The following TBC1D22A variants were observed in gnomAD, a reference collection of about 807,000 sequenced individuals.
The protein encoded by TBC1D22A is putative GTPase activator.
A neutral mutation model predicts 60.2 loss-of-function variants in TBC1D22A; 38 were observed. That is an observed-to-expected ratio of 0.63 (90% CI 0.49 to 0.83). The LOEUF is 0.83. Ranked by LOEUF, TBC1D22A falls within the 40% of genes least tolerant of loss-of-function variation. TBC1D22A has a pLI of 0.00. For synonymous variants in TBC1D22A, 302 were observed against 281.7 expected, an observed-to-expected ratio of 1.07 and a Z score of -0.72; for missense variants, 628 against 701.0, an observed-to-expected ratio of 0.90 and a Z score of 1.18.
rs540120990 is a variant in TBC1D22A at position 46,779,883 on chromosome 22, G to C, written c.63-12637G>C. ...CAGAGTGGTGTGGGTGTCGGGGCGG[G>C]ACAGCCCTCGGAGACCCTCTGGTTT... On this transcript the variant is annotated intron_variant, in intron 1 of 12. Transcript: ENST00000337137. Among the ~76,000 whole-genome samples the C allele has an allele frequency of 2.5e-4, 38 of 152,342 alleles. 1 individual carries two copies. Among genetic ancestry groups the C allele is most frequent in the African/African-American group, 8.9e-4 (37 of 41,566 alleles).
intron 2 of TBC1D22A, chr22:46,792,881 G>A: frequency 7.0e-7 from 1 of 1,429,272 alleles, no homozygotes; most frequent in Non-Finnish European, 9.1e-7. Context: ...ATCCATGCTG[G>A]CTTGTCCTTT....
intron 1 of TBC1D22A, among the ~76,000 whole-genome samples, chr22:46,784,255 G>A (rs1285985731): frequency 2.6e-5 from 4 of 152,058 alleles, no homozygotes; most frequent in Admixed American, 6.6e-5. Flanking sequence ...TGTTGCCCAG[G>A]CTAGTCTTGA....
chr22:46,795,701 AG>A (rs1176426480), intron 3 of TBC1D22A, among the ~76,000 whole-genome samples: 2 of 152,232 alleles, frequency 1.3e-5, no homozygotes, highest in Non-Finnish European at 2.9e-5. Context: ...TACAGTATCA[AG>A]TCCCTGTGAT....
intron 12 of TBC1D22A, among the ~76,000 whole-genome samples, chr22:47,127,296 T>C (rs2066494974): frequency 6.7e-6 from 1 of 150,280 alleles, no homozygotes; most frequent in African/African-American, 2.4e-5. Context: ...GACGCGATCT[T>C]GGCTCACTGC....
chr22:46,984,000 G>C (rs1268849402), intron 9 of TBC1D22A, among the ~76,000 whole-genome samples: 4 of 152,092 alleles, frequency 2.6e-5, no homozygotes, highest in African/African-American at 9.7e-5. Flanking sequence ...TTTCTGGGCA[G>C]TGGAAGCTGC....
chr22:46,802,994 C>A (rs902733780), intron 4 of TBC1D22A, among the ~76,000 whole-genome samples: 1 of 152,098 alleles, frequency 6.6e-6, no homozygotes, highest in Non-Finnish European at 1.5e-5. Flanking sequence ...GAAATCAGAA[C>A]ACACTCCAGA....
chr22:46,941,403 A>G (rs534797411), intron 8 of TBC1D22A, among the ~76,000 whole-genome samples: 1,958 of 112,160 alleles, frequency 0.017, 156 homozygotes, highest in Non-Finnish European at 0.027. Flanking sequence ...ATATATACAC[A>G]GAATATATAT....
chr22:46,839,403 A>C (rs2147205147), intron 4 of TBC1D22A, among the ~76,000 whole-genome samples: 1 of 151,532 alleles, frequency 6.6e-6, no homozygotes, highest in Non-Finnish European at 1.5e-5. Flanking sequence ...GAGGTGAAGG[A>C]TTCTTACACT....
At chr22:46,862,188 C>G (rs1319581659) in intron 4 of TBC1D22A, among the ~76,000 whole-genome samples, 2 of 152,132 alleles carry the variant, frequency 1.3e-5, no homozygotes, top group Non-Finnish European at 2.9e-5. Context: ...GGTATGGAAC[C>G]TGGCGCACAG....
chr22:46,975,264 G>A (rs954334705), intron 9 of TBC1D22A, among the ~76,000 whole-genome samples: 1 of 152,202 alleles, frequency 6.6e-6, no homozygotes, highest in Admixed American at 6.5e-5. Flanking sequence ...CTCACTCGGG[G>A]TGGAGGGTAG....
intron 8 of TBC1D22A, among the ~76,000 whole-genome samples, chr22:46,936,219 G>A (rs932726610): frequency 1.3e-5 from 2 of 152,172 alleles, no homozygotes; most frequent in African/African-American, 2.4e-5. Flanking sequence ...TTGCCTTTGC[G>A]CTGTGATTGG....
rs977331770 is a variant in TBC1D22A, at chr22:46,777,728, A to T, written c.63-14792A>T. On this transcript the variant is annotated intron_variant, in intron 1 of 12. Coordinates refer to ENST00000337137, the MANE Select transcript of TBC1D22A (RefSeq NM_014346.5). This position sits in a 1 kb window ranked among gnomAD's most constrained non-coding sequence, Gnocchi z 4.5. ...GGCCAGGATTGAGTGAGAAGCAGCA[A>T]GAAGGAGAGAGGGGAAATGGGCCTC... is the stretch of plus-strand genomic sequence containing the variant. Among the ~76,000 whole-genome samples the T allele has an allele frequency of 6.6e-6, 1 of 152,146 alleles. No homozygotes were observed. Among genetic ancestry groups the T allele is most frequent in the African/African-American group, 2.4e-5 (1 of 41,440 alleles).
chr22:46,827,321 A>G (rs1282345572), intron 4 of TBC1D22A, among the ~76,000 whole-genome samples: 4 of 152,192 alleles, frequency 2.6e-5, no homozygotes, highest in Admixed American at 6.5e-5. Context: ...CTGAGCTCCC[A>G]TGCAGCGAAT....
chr22:47,099,543 T>G (rs900083182), intron 11 of TBC1D22A, among the ~76,000 whole-genome samples: 5 of 151,968 alleles, frequency 3.3e-5, no homozygotes, highest in Admixed American at 2.6e-4. Context: ...CCTCCCGGGT[T>G]CAAGCAATTC....
chr22:47,053,536 C>T (rs1016478206), intron 11 of TBC1D22A, among the ~76,000 whole-genome samples: 3 of 152,218 alleles, frequency 2.0e-5, no homozygotes, highest in African/African-American at 7.2e-5. Flanking sequence ...CTCTCCCAGT[C>T]GGGGCAGCAG....
chr22:46,889,871 C>T lies in TBC1D22A; in HGVS notation c.709-1395C>T, dbSNP rs183991032. On this transcript the variant is annotated intron_variant, in intron 5 of 12. Transcript: ENST00000337137. ...GAGGATACTGGGAAGTATACAGGGG[C>T]GGGGGGATAGAAGTGTGTCTGTATC... 4.3e-4 allele frequency among the ~76,000 whole-genome samples: 66 copies of T among 152,156 alleles called. No individual in the cohort carries two copies. The East Asian group carries it at 6.4e-3, about 15-fold the overall frequency.
At chr22:47,022,414 A>G (rs131938) in intron 10 of TBC1D22A, among the ~76,000 whole-genome samples, 65,116 of 151,954 alleles carry the variant, frequency 0.43, 16,543 homozygotes, top group African/African-American at 0.72. Flanking sequence ...GTCAGGAGGC[A>G]CCTGCAGGTC....
chr22:46,907,631 G>A (rs1056602952), intron 7 of TBC1D22A, among the ~76,000 whole-genome samples: 9 of 152,228 alleles, frequency 5.9e-5, no homozygotes, highest in African/African-American at 1.2e-4. Flanking sequence ...CACCATCTGC[G>A]CCTCCACCAT....
intron 9 of TBC1D22A, among the ~76,000 whole-genome samples, chr22:46,988,952 A>G (rs757762921): frequency 2.6e-5 from 4 of 152,216 alleles, no homozygotes; most frequent in Non-Finnish European, 5.9e-5. Context: ...TGTTGTTTAG[A>G]GTAGCCACCT....
Sources: gnomAD v4.1 joint callset for allele counts (sites outside exome capture counted in the v4.1 genomes callset) on GRCh38, gnomAD v4.1.1 for gene constraint, Gnocchi (gnomAD v3.1) non-coding constraint, MANE v1.5 for transcripts, NCBI Gene and HGNC (gene_info 2026-07-23, HGNC 2026-07-21) for gene names.